Variants in ZBTB7C observed in about 807,000 individuals in gnomAD.
ZBTB7C encodes the protein zinc finger and BTB domain containing 7C, also known as zinc finger and BTB domain-containing protein 7C.
ZBTB7C carries 8 observed loss-of-function variants against 25.7 expected under a neutral mutation model. That is an observed-to-expected ratio of 0.31 (90% CI 0.18 to 0.56). ZBTB7C has a LOEUF of 0.56. Among genes scored for constraint, ZBTB7C ranks in the 20% least tolerant of loss-of-function variants. The pLI, the probability that ZBTB7C is intolerant of heterozygous loss-of-function variation, is 0.91. For missense variants in ZBTB7C, 824 were observed against 855.2 expected, an observed-to-expected ratio of 0.96 and a Z score of 0.46; for synonymous variants, 394 against 369.0, an observed-to-expected ratio of 1.07 and a Z score of -0.78.
intron 1 of ZBTB7C, among the ~76,000 whole-genome samples, chr18:48,386,378 C>T (rs1383822380): frequency 6.6e-6 from 1 of 152,196 alleles, no homozygotes; most frequent in African/African-American, 2.4e-5. Context: ...TCCAGGTGAA[C>T]TCGGATGCTA....
chr18:48,236,165 G>A (rs777908937), intron 2 of ZBTB7C, among the ~76,000 whole-genome samples: 92 of 151,878 alleles, frequency 6.1e-4, no homozygotes, highest in Non-Finnish European at 1.1e-3. Flanking sequence ...ATATCTACTC[G>A]TTAGTTCACT....
chr18:48,099,490 G>A (rs978840323), intron 3 of ZBTB7C, among the ~76,000 whole-genome samples: 3 of 152,132 alleles, frequency 2.0e-5, no homozygotes, highest in African/African-American at 7.2e-5. Context: ...TCTCACCTTG[G>A]CTTTAGATTA....
intron 3 of ZBTB7C, chr18:48,165,197 C>T (rs1280160865): frequency 2.5e-6 from 3 of 1,182,862 alleles, no homozygotes; most frequent in Non-Finnish European, 3.4e-6. Flanking sequence ...TCCAAGGTCA[C>T]AAAGCAATTT....
chr18:48,133,551 T>G (rs1311578645), intron 3 of ZBTB7C, among the ~76,000 whole-genome samples: 2 of 151,854 alleles, frequency 1.3e-5, no homozygotes, highest in African/African-American at 4.8e-5. Flanking sequence ...AGCAATAACA[T>G]GCAGAATGTA....
chr18:48,232,043 C>T (rs756220947), intron 2 of ZBTB7C, among the ~76,000 whole-genome samples: 8 of 152,210 alleles, frequency 5.3e-5, no homozygotes, highest in Non-Finnish European at 8.8e-5. Flanking sequence ...CTGGCTCATC[C>T]TTGGCAGGCG....
chr18:48,108,306 G>C (rs1055264906), intron 3 of ZBTB7C, among the ~76,000 whole-genome samples: 1 of 152,216 alleles, frequency 6.6e-6, no homozygotes, highest in Non-Finnish European at 1.5e-5. Flanking sequence ...GCTTCGGCAA[G>C]TTAAATGAAC....
chr18:48,357,780 C>A (rs1002367741), intron 1 of ZBTB7C, among the ~76,000 whole-genome samples: 2 of 152,236 alleles, frequency 1.3e-5, no homozygotes, highest in Non-Finnish European at 2.9e-5. Flanking sequence ...GCTCATAGGA[C>A]ATGTCCACTA....
At chr18:48,039,714 G>T (rs1438363753) in intron 4 of ZBTB7C, among the ~76,000 whole-genome samples, 186 bp downstream of exon 4, 1 of 152,172 alleles carries the variant, frequency 6.6e-6, no homozygotes, top group Non-Finnish European at 1.5e-5. Context: ...AGAAAATACT[G>T]CAGCCCCTAA....
intron 3 of ZBTB7C, among the ~76,000 whole-genome samples, chr18:48,082,053 G>A (rs2038011357): frequency 6.6e-6 from 1 of 152,200 alleles, no homozygotes; most frequent in Non-Finnish European, 1.5e-5. Context: ...ATAGGACAGT[G>A]TTGGTCTACG....
At chr18:48,042,282 AAAC>A (rs1053008372) in intron 3 of ZBTB7C, among the ~76,000 whole-genome samples, 2 of 152,200 alleles carry the variant, frequency 1.3e-5, no homozygotes, top group African/African-American at 4.8e-5. Flanking sequence ...AAAACAAAAC[AAAC>A]AACAAATCAG....
At chr18:48,202,199 A>G (rs1249229340) in intron 2 of ZBTB7C, among the ~76,000 whole-genome samples, 32 of 152,202 alleles carry the variant, frequency 2.1e-4, no homozygotes, top group Admixed American at 2.1e-3. Flanking sequence ...GAGGCAGGAC[A>G]TGGACATTGC....
chr18:48,294,206 G>A (rs913872421), intron 2 of ZBTB7C, among the ~76,000 whole-genome samples: 1 of 152,240 alleles, frequency 6.6e-6, no homozygotes, highest in East Asian at 1.9e-4. Context: ...ATGCCAGCCT[G>A]GAATTTGAAA....
intron 2 of ZBTB7C, among the ~76,000 whole-genome samples, chr18:48,322,155 T>A (rs2046111181): frequency 6.6e-6 from 1 of 152,162 alleles, no homozygotes; most frequent in Admixed American, 6.5e-5. Flanking sequence ...ATGGCCTTCA[T>A]CAGATTAGTT....
intron 2 of ZBTB7C, among the ~76,000 whole-genome samples, chr18:48,275,968 A>T (rs1450959994): frequency 2.0e-5 from 3 of 152,210 alleles, no homozygotes; most frequent in African/African-American, 7.2e-5. Flanking sequence ...CATCGAAGGC[A>T]TGGGATCCTG....
At chr18:48,315,510 C>T (rs2045928088) in intron 2 of ZBTB7C, among the ~76,000 whole-genome samples, 1 of 152,286 alleles carries the variant, frequency 6.6e-6, no homozygotes, top group Admixed American at 6.5e-5. Flanking sequence ...GCCTGGTACT[C>T]AGGAAGCCCC....
At chr18:48,207,787 T>G (rs922003968) in intron 2 of ZBTB7C, among the ~76,000 whole-genome samples, 3 of 152,076 alleles carry the variant, frequency 2.0e-5, no homozygotes, top group Non-Finnish European at 2.9e-5. Flanking sequence ...ATAAAATGAG[T>G]GAATATGGCA....
At chr18:48,402,852 T>C (rs1002258164) in intron 1 of ZBTB7C, among the ~76,000 whole-genome samples, 1 of 152,260 alleles carries the variant, frequency 6.6e-6, no homozygotes, top group Non-Finnish European at 1.5e-5. Flanking sequence ...TTTCCCAATT[T>C]TCTATTATGA....
At chr18:48,323,744 G>A (rs1181839330) in intron 2 of ZBTB7C, among the ~76,000 whole-genome samples, 2 of 152,100 alleles carry the variant, frequency 1.3e-5, no homozygotes, top group African/African-American at 4.8e-5. Flanking sequence ...GTAAGGATCC[G>A]GCAGTTCAGT....
intron 3 of ZBTB7C, among the ~76,000 whole-genome samples, chr18:48,127,932 G>A (rs2039859674): frequency 6.6e-6 from 1 of 152,206 alleles, no homozygotes; most frequent in Non-Finnish European, 1.5e-5. Flanking sequence ...GTGTCCACAA[G>A]GGCCGGCCAG....
Sources: allele counts gnomAD v4.1 joint callset (sites outside exome capture counted in the v4.1 genomes callset), GRCh38; gene constraint gnomAD v4.1.1; transcripts MANE v1.5; gene names NCBI Gene and HGNC (gene_info 2026-07-23, HGNC 2026-07-21).